The following COL21A1 variants were observed in gnomAD, a reference collection of about 807,000 sequenced individuals.
COL21A1 encodes the protein collagen type XXI alpha 1 chain, also known as collagen alpha-1(XXI) chain.
A neutral mutation model predicts 137.9 loss-of-function variants in COL21A1; 149 were observed. That is an observed-to-expected ratio of 1.08 (90% confidence interval 0.95 to 1.24). The LOEUF (loss-of-function observed/expected upper bound fraction) is 1.24, where lower values mean the gene tolerates loss of function less well. Among genes scored for constraint, COL21A1 ranks in the 50% most tolerant of loss-of-function variants. The pLI is 0.00. For missense variants in COL21A1, 1,167 were observed against 1,158.4 expected (o/e 1.01, Z -0.11); for synonymous variants, 456 against 391.5 (o/e 1.16, Z -1.95).
chr6:56,301,414 G>T (rs1764276142), intron 1 of COL21A1, among the ~76,000 whole-genome samples: 2 of 152,146 alleles, frequency 1.3e-5, no homozygotes, highest in East Asian at 1.9e-4. Context: ...CTCCAGACAT[G>T]AATACATTTC....
intron 3 of COL21A1, among the ~76,000 whole-genome samples, chr6:56,175,429 G>A (rs886634749): frequency 6.6e-6 from 1 of 151,976 alleles, no homozygotes; most frequent in African/African-American, 2.4e-5. Context: ...ATGGTTAGAA[G>A]AAACCAATTA....
At chr6:56,146,361 G>T (rs1386798086) in intron 10 of COL21A1, among the ~76,000 whole-genome samples, 1 of 152,080 alleles carries the variant, frequency 6.6e-6, no homozygotes, top group Non-Finnish European at 1.5e-5. Flanking sequence ...TCTAGTTGTT[G>T]TTGGCAGGCT....
chr6:56,199,903 AGAC>A (rs1169795042), intron 1 of COL21A1, among the ~76,000 whole-genome samples: 18 of 152,300 alleles, frequency 1.2e-4, no homozygotes, highest in Admixed American at 1.2e-3. Context: ...TTTGTGCCAG[AGAC>A]TAAATAAATA....
intron 1 of COL21A1, among the ~76,000 whole-genome samples, chr6:56,231,331 C>T (rs1781541471): frequency 6.6e-6 from 1 of 151,856 alleles, no homozygotes; most frequent in African/African-American, 2.4e-5. Flanking sequence ...GTAAAGGAAG[C>T]ATTATATTCA....
chr6:56,102,340 C>G (rs1282248123), intron 16 of COL21A1, among the ~76,000 whole-genome samples: 1 of 152,048 alleles, frequency 6.6e-6, no homozygotes. Flanking sequence ...TGTACACACC[C>G]CAGACTTTTT....
At chr6:56,221,755 T>TA (rs1780842290) in intron 1 of COL21A1, among the ~76,000 whole-genome samples, 1 of 152,134 alleles carries the variant, frequency 6.6e-6, no homozygotes, top group African/African-American at 2.4e-5. Flanking sequence ...CTTGAATTTA[T>TA]TGGATATTCT....
chr6:56,111,582 G>C (rs1182215412), intron 16 of COL21A1, among the ~76,000 whole-genome samples: 1 of 152,006 alleles, frequency 6.6e-6, no homozygotes, highest in Non-Finnish European at 1.5e-5. Flanking sequence ...TAAAAACTTT[G>C]GCCAGGCATG....
intron 1 of COL21A1, among the ~76,000 whole-genome samples, chr6:56,202,908 A>G (rs953253201): frequency 2.0e-5 from 3 of 152,168 alleles, no homozygotes; most frequent in African/African-American, 7.2e-5. Flanking sequence ...AGTGTATTTT[A>G]TTTGCCTGTG....
chr6:56,072,888 T>C (rs911408019), intron 20 of COL21A1, among the ~76,000 whole-genome samples: 1 of 150,948 alleles, frequency 6.6e-6, no homozygotes, highest in Non-Finnish European at 1.5e-5. Context: ...AACAAAATAA[T>C]TGTACAAGCA....
chr6:56,115,045 G>A (rs902162845), intron 16 of COL21A1, among the ~76,000 whole-genome samples: 7 of 150,736 alleles, frequency 4.6e-5, no homozygotes, highest in East Asian at 3.9e-4. Context: ...GTAAACTATC[G>A]CAAGAACAAA....
chr6:56,165,907 T>TACACACACACACACATACACAC (rs1561936747), intron 7 of COL21A1, among the ~76,000 whole-genome samples: 2 of 105,714 alleles, frequency 1.9e-5, no homozygotes, highest in African/African-American at 3.5e-5. Flanking sequence ...GGGGATTGAT[T>TACACACACACACACATACACAC]ACACACACAC....
chr6:56,068,480 A>C (rs1363787313), intron 22 of COL21A1, among the ~76,000 whole-genome samples: 2 of 151,594 alleles, frequency 1.3e-5, no homozygotes, highest in Admixed American at 6.6e-5. Context: ...CTTGACCAAA[A>C]TGAGAGAGAG....
chr6:56,094,889 A>G (rs1360948056), intron 17 of COL21A1, among the ~76,000 whole-genome samples: 1 of 152,176 alleles, frequency 6.6e-6, no homozygotes, highest in Non-Finnish European at 1.5e-5. Flanking sequence ...TGACTGGTTC[A>G]TGCCCACCAG....
intron 1 of COL21A1, among the ~76,000 whole-genome samples, chr6:56,339,492 C>T (rs554601460): frequency 1.3e-5 from 2 of 152,212 alleles, no homozygotes; most frequent in South Asian, 4.2e-4. Flanking sequence ...GTCTTAAAAA[C>T]AAAAGAGTTT....
At chr6:56,133,292 T>C (rs1348951108) in intron 12 of COL21A1, among the ~76,000 whole-genome samples, 4 of 152,138 alleles carry the variant, frequency 2.6e-5, no homozygotes, top group African/African-American at 4.8e-5. Context: ...TAAAAGCAAC[T>C]CTTGTTATGT....
intron 17 of COL21A1, among the ~76,000 whole-genome samples, chr6:56,098,455 A>T (rs1582339930): frequency 3.2e-5 from 1 of 31,248 alleles, no homozygotes; most frequent in Non-Finnish European, 5.1e-5. Flanking sequence ...ATATATATAT[A>T]TAAATATATA....
intron 16 of COL21A1, among the ~76,000 whole-genome samples, chr6:56,112,881 T>C (rs921362252): frequency 1.1e-4 from 17 of 151,842 alleles, no homozygotes; most frequent in Admixed American, 6.6e-4. Context: ...ATGGGGTTTC[T>C]CCATGTTGGT....
chr6:56,273,783 G>C (rs1374933552), intron 1 of COL21A1, among the ~76,000 whole-genome samples: 1 of 152,048 alleles, frequency 6.6e-6, no homozygotes, highest in Non-Finnish European at 1.5e-5. Context: ...ATTCTACCAG[G>C]CATTCAAAGA....
intron 1 of COL21A1, among the ~76,000 whole-genome samples, chr6:56,286,876 G>A (rs549380164): frequency 3.3e-5 from 5 of 152,300 alleles, no homozygotes; most frequent in African/African-American, 1.2e-4. Context: ...AATGTTCCTA[G>A]AGAGAGATGA....
Sources: gnomAD v4.1 joint callset for allele counts (sites outside exome capture counted in the v4.1 genomes callset) on GRCh38, gnomAD v4.1.1 for gene constraint, MANE v1.5 for transcripts, NCBI Gene and HGNC (gene_info 2026-07-23, HGNC 2026-07-21) for gene names.